Variants in NTN1 observed in about 807,000 individuals in gnomAD.
NTN1 encodes the protein netrin-1.
A neutral mutation model predicts 54.2 loss-of-function variants in NTN1; 11 were observed. The observed-to-expected ratio is 0.20, with a 90% confidence interval of 0.13 to 0.34. The LOEUF is 0.34. Ranked by LOEUF, NTN1 falls within the 10% of genes least tolerant of loss-of-function variation. The probability of loss-of-function intolerance (pLI) is 1.00; values close to 1 mark genes in which losing one functional copy is unlikely to be tolerated. For missense variants in NTN1, 740 were observed against 893.1 expected (o/e 0.83, Z 2.18); for synonymous variants, 371 against 382.0 (o/e 0.97, Z 0.33).
chr17:9,094,548 CT>C (rs1485903371), intron 2 of NTN1, among the ~76,000 whole-genome samples: 1 of 151,976 alleles, frequency 6.6e-6, no homozygotes, highest in African/African-American at 2.4e-5. Flanking sequence ...TCCTTTAAGT[CT>C]TCTATATGTA....
At chr17:9,136,135 G>T (rs753118359) in intron 2 of NTN1, among the ~76,000 whole-genome samples, 11 of 152,234 alleles carry the variant, frequency 7.2e-5, no homozygotes, top group Non-Finnish European at 1.5e-4. Flanking sequence ...GGCAGGAAAT[G>T]CTCCAGCAAC....
intron 5 of NTN1, among the ~76,000 whole-genome samples, chr17:9,193,935 A>AAACAAAACAAACAACAAC (rs771221636): frequency 7.3e-5 from 9 of 123,526 alleles, no homozygotes; most frequent in African/African-American, 2.2e-4. Flanking sequence ...AAAAAAAAAA[A>AAACAAAACAAACAACAAC]AAAAAAAAAC....
intron 2 of NTN1, among the ~76,000 whole-genome samples, chr17:9,054,353 G>C (rs2091971183): frequency 6.6e-6 from 1 of 152,210 alleles, no homozygotes; most frequent in Non-Finnish European, 1.5e-5. Flanking sequence ...AGCCCGCCTT[G>C]GGAGAAGCCG....
chr17:9,186,751 CCT>C (rs538261771), intron 5 of NTN1, among the ~76,000 whole-genome samples: 1 of 152,322 alleles, frequency 6.6e-6, no homozygotes, highest in African/African-American at 2.4e-5. Context: ...CTTCCGGTGG[CCT>C]CTCGGCACCT....
Position 9,241,616 on chromosome 17 carries a change from CG to C in NTN1, c.*1650del, listed in dbSNP as rs1906217687. 1 of 152,440 alleles carries C rather than the reference CG, an allele frequency of 6.6e-6. No homozygotes were observed. Among genetic ancestry groups the C allele is most frequent in the Non-Finnish European group, 1.5e-5 (1 of 68,102 alleles). The allele number at this position is 152,440 out of a possible 1,614,324, so 9.4% of individuals were successfully genotyped here. On this transcript the variant is annotated 3_prime_UTR_variant, in exon 7 of 7. Coordinates refer to ENST00000173229, the MANE Select transcript of NTN1 (RefSeq NM_004822.3). ...AAAGGGTCATACCAAGTATGAAGCTCGGCCCCCGGTGGTCTGGCTTCCCTCC... is the reference window on the plus strand; with the variant it reads ...AAAGGGTCATACCAAGTATGAAGCTCGCCCCCGGTGGTCTGGCTTCCCTCC...
chr17:9,105,602 AC>A (rs1262382981), intron 2 of NTN1, among the ~76,000 whole-genome samples: 1 of 152,050 alleles, frequency 6.6e-6, no homozygotes, highest in Admixed American at 6.5e-5. Flanking sequence ...TAGCTGAGAA[AC>A]AGGATTTTCT....
chr17:9,015,944 G>T, the NTN1 span, among the ~76,000 whole-genome samples: 1 of 151,976 alleles, frequency 6.6e-6, no homozygotes, highest in South Asian at 2.1e-4. Context: ...CATGGTGGTG[G>T]GCGCCTGTAA....
rs552562696 is a variant in NTN1, at chr17:9,214,072, A to G, written c.1412-7096A>G. On this transcript the variant is annotated intron_variant, in intron 5 of 6. Transcript: ENST00000173229. ...AATCAGTTCTTGGATGTATTTATGT[A>G]TTTTTTCTGTATTCTACTATATTTC... is the stretch of plus-strand genomic sequence containing the variant. Among the ~76,000 whole-genome samples, 5 of 148,958 alleles carry G rather than the reference A, an allele frequency of 3.4e-5. No individual in the cohort carries two copies. In the South Asian group the frequency reaches 1.1e-3, roughly 32 times the overall value.
chr17:9,237,897 C>A (rs887231307), intron 6 of NTN1, among the ~76,000 whole-genome samples: 5 of 152,184 alleles, frequency 3.3e-5, no homozygotes, highest in Non-Finnish European at 7.4e-5. Context: ...GTGACAAAAA[C>A]ATGGAAACGG....
At chr17:9,114,154 A>ATATATATATAT (rs1491588506) in intron 2 of NTN1, among the ~76,000 whole-genome samples, 33 of 39,166 alleles carry the variant, frequency 8.4e-4, no homozygotes, top group African/African-American at 3.0e-3. Flanking sequence ...AAAAAAAAAG[A>ATATATATATAT]AAAAAAAAAA....
chr17:9,156,824 CCT>C (rs1032971271), intron 2 of NTN1, among the ~76,000 whole-genome samples: 5 of 152,110 alleles, frequency 3.3e-5, no homozygotes, highest in African/African-American at 1.2e-4. Context: ...GGCAGTAAAT[CCT>C]CTATCTGCCC....
chr17:9,226,498 A>AGGC (rs1905563386), intron 6 of NTN1, among the ~76,000 whole-genome samples: 1 of 80,740 alleles, frequency 1.2e-5, no homozygotes, highest in Non-Finnish European at 3.2e-5. Context: ...TCTCGTGGGG[A>AGGC]GGTGGTCTCG....
chr17:9,045,107 A>G (rs906345500), intron 2 of NTN1, among the ~76,000 whole-genome samples: 1 of 152,134 alleles, frequency 6.6e-6, no homozygotes, highest in Non-Finnish European at 1.5e-5. Context: ...GCTGCCAGGG[A>G]TGGAATTAAC....
At chr17:9,063,799 C>T (rs1014215558) in intron 2 of NTN1, among the ~76,000 whole-genome samples, 2 of 151,340 alleles carry the variant, frequency 1.3e-5, no homozygotes, top group Non-Finnish European at 2.9e-5. Context: ...CCGCCCGCCT[C>T]GGCCTCCCAA....
chr17:9,172,233 C>G lies in NTN1; in HGVS notation c.1208-7574C>G, dbSNP rs777510979. Among the ~76,000 whole-genome samples the G allele has an allele frequency of 2.0e-5, 3 of 152,086 alleles. 1 individual carries two copies. The highest frequency in any genetic ancestry group is 7.2e-5 in the African/African-American group (3 of 41,454). On this transcript the variant is annotated intron_variant, in intron 3 of 6. Transcript: ENST00000173229. ...CCTTTCTAGGCGGGGTGCGGTGGCT[C>G]ACGCCTGTAATCCCAGCACTTTGGG...
intron 2 of NTN1, among the ~76,000 whole-genome samples, chr17:9,089,238 C>T (rs1290735066): frequency 6.6e-6 from 1 of 152,122 alleles, no homozygotes; most frequent in Non-Finnish European, 1.5e-5. Context: ...CATGGTGAAA[C>T]CCCGTCTCTA....
Position 9,218,258 on chromosome 17 carries a change from T to C in NTN1, c.1412-2910T>C, listed in dbSNP as rs147953119. ...GGGACTGGGCTGCCAGACTGCCTCA[T>C]TGGGCACACGACCTTGAGCTGGTGA... is the stretch of plus-strand genomic sequence containing the variant. On this transcript the variant is annotated intron_variant, in intron 5 of 6. Coordinates refer to ENST00000173229, the MANE Select transcript of NTN1 (RefSeq NM_004822.3). Among the ~76,000 whole-genome samples the C allele has an allele frequency of 4.5e-4, 69 of 152,294 alleles. 1 individual carries two copies. The highest frequency in any genetic ancestry group is 1.2e-3 in the East Asian group (6 of 5,188).
At chr17:9,209,038 G>A (rs977116538) in intron 5 of NTN1, among the ~76,000 whole-genome samples, 1 of 152,206 alleles carries the variant, frequency 6.6e-6, no homozygotes, top group East Asian at 1.9e-4. Context: ...AGGCCACCTG[G>A]AGCCCATCAC....
intron 2 of NTN1, among the ~76,000 whole-genome samples, chr17:9,096,773 A>G (rs1462789580): frequency 1.3e-5 from 2 of 152,192 alleles, no homozygotes; most frequent in Non-Finnish European, 2.9e-5. Flanking sequence ...GAACAATTCT[A>G]ACTAGTAGGG....
Sources: allele counts gnomAD v4.1 joint callset (sites outside exome capture counted in the v4.1 genomes callset), GRCh38; gene constraint gnomAD v4.1.1; transcripts MANE v1.5; gene names NCBI Gene and HGNC (gene_info 2026-07-23, HGNC 2026-07-21).